Variants in BICC1 observed in about 807,000 individuals in gnomAD.
BICC1 encodes BicC family RNA binding protein 1, also known as protein bicaudal C homolog 1.
BICC1 carries 43 observed loss-of-function variants against 111.0 expected under a neutral mutation model. The ratio of observed to expected loss-of-function variants is 0.39; its 90% CI spans 0.30 to 0.50. BICC1 has a LOEUF of 0.50. BICC1 is among the 20% of genes least tolerant of loss of function. The pLI, the probability that BICC1 is intolerant of heterozygous loss-of-function variation, is 0.88. For missense variants in BICC1, 1,091 were observed against 1,203.2 expected (o/e 0.91, Z 1.38); for synonymous variants, 467 against 434.4 (o/e 1.07, Z -0.93).
At chr10:58,556,796 G>C (rs1044637003) in intron 1 of BICC1, among the ~76,000 whole-genome samples, 1 of 151,882 alleles carries the variant, frequency 6.6e-6, no homozygotes, top group African/African-American at 2.4e-5. Flanking sequence ...TTGTCCTTTT[G>C]TCTGTTTCTT....
chr10:58,546,798 G>T (rs992376406), intron 1 of BICC1, among the ~76,000 whole-genome samples: 2 of 152,046 alleles, frequency 1.3e-5, no homozygotes, highest in Non-Finnish European at 2.9e-5. Flanking sequence ...CAATATTAAA[G>T]TATCAGTTTT....
intron 2 of BICC1, among the ~76,000 whole-genome samples, chr10:58,683,203 T>C (rs1226072349): frequency 6.6e-6 from 1 of 151,872 alleles, no homozygotes; most frequent in Non-Finnish European, 1.5e-5. Flanking sequence ...AGATGTGTGG[T>C]ATTATTTCTG....
Position 58,828,218 on chromosome 10 carries a change from G to A in BICC1, c.2795-543G>A, listed in dbSNP as rs974927717. Among the ~76,000 whole-genome samples, 4 of 152,194 alleles carry A rather than the reference G, an allele frequency of 2.6e-5. No homozygotes were observed. In the East Asian group the frequency reaches 7.7e-4, roughly 29 times the overall value. ...CCTCTGCATTATTCAAGGGTCAGCTGTTCTTCAGGGTGCTCCTCCAATATC... is the reference window on the plus strand; with the variant it reads ...CCTCTGCATTATTCAAGGGTCAGCTATTCTTCAGGGTGCTCCTCCAATATC... On this transcript the variant is annotated intron_variant, in intron 20 of 20. Transcript: ENST00000373886.
At chr10:58,564,023 C>T (rs946166005) in intron 1 of BICC1, among the ~76,000 whole-genome samples, 4 of 152,014 alleles carry the variant, frequency 2.6e-5, no homozygotes, top group Non-Finnish European at 5.9e-5. Context: ...AAATATGTGA[C>T]CAAAGTTGAA....
chr10:58,809,323 TTTTAAG>T (rs1259992454), intron 17 of BICC1, among the ~76,000 whole-genome samples: 1 of 152,080 alleles, frequency 6.6e-6, no homozygotes, highest in African/African-American at 2.4e-5. Context: ...TGTGAGGTTC[TTTTAAG>T]TTTTTTACAT....
In BICC1 at chr10:58,798,437, A is replaced by G. The variant is rs1843427415; in HGVS notation, c.1405A>G (p.Thr469Ala). The G allele has an allele frequency of 1.2e-6, 2 of 1,611,742 alleles. No homozygotes were observed. The highest frequency in any genetic ancestry group is 1.7e-6 in the Non-Finnish European group (2 of 1,179,028). ...CACCACCTTATCTCTGAACACTTCAACAACCCCAAACTCACTCTTGAATGC... is the reference window on the plus strand; with the variant it reads ...CACCACCTTATCTCTGAACACTTCAGCAACCCCAAACTCACTCTTGAATGC... ...GPTTLSLNTS[T>A]TPNSLLNALN... Residue 469 changes from threonine (T) to alanine (A), a missense_variant, in exon 11 of 21, where the codon ACA becomes GCA. Transcript: ENST00000373886.
intron 1 of BICC1, among the ~76,000 whole-genome samples, chr10:58,580,570 G>A (rs1389896226): frequency 6.6e-6 from 1 of 152,024 alleles, no homozygotes; most frequent in Non-Finnish European, 1.5e-5. Context: ...TTTGGATAAG[G>A]GATATTCAAC....
At chr10:58,745,990 C>G (rs1841826377) in intron 3 of BICC1, among the ~76,000 whole-genome samples, 1 of 152,042 alleles carries the variant, frequency 6.6e-6, no homozygotes, top group African/African-American at 2.4e-5. Flanking sequence ...TATATTACCA[C>G]AGGCAGATGA....
intron 2 of BICC1, among the ~76,000 whole-genome samples, chr10:58,640,807 A>G (rs913787279): frequency 1.3e-5 from 2 of 152,216 alleles, no homozygotes; most frequent in Admixed American, 6.5e-5. Context: ...CTACGAAAGA[A>G]ACAACTTGGA....
intron 2 of BICC1, among the ~76,000 whole-genome samples, chr10:58,665,499 G>C (rs571825296): frequency 2.7e-4 from 41 of 152,074 alleles, no homozygotes; most frequent in Non-Finnish European, 1.9e-4. Context: ...ATCTGCCTGG[G>C]AATACAGCCA....
intron 1 of BICC1, among the ~76,000 whole-genome samples, chr10:58,523,284 C>T (rs1375422597): frequency 2.0e-5 from 3 of 152,182 alleles, no homozygotes; most frequent in Non-Finnish European, 4.4e-5. Context: ...CCCTGATGAA[C>T]ATCGATGCAA....
At chr10:58,828,614 A>G (rs1844465950) in intron 20 of BICC1, 147 bp from the exon 21 acceptor site, 2 of 701,612 alleles carry the variant, frequency 2.9e-6, no homozygotes, top group South Asian at 2.0e-5. Flanking sequence ...TGCCTTGACC[A>G]TCAACTAAAA....
chr10:58,593,362 G>A lies in BICC1; in HGVS notation c.191-27493G>A, dbSNP rs2132046667. Among the ~76,000 whole-genome samples the A allele has an allele frequency of 2.0e-5, 3 of 152,296 alleles. No individual in the cohort carries two copies. In the South Asian group the frequency reaches 6.2e-4, roughly 32 times the overall value. On this transcript the variant is annotated intron_variant, in intron 1 of 20. Coordinates refer to ENST00000373886, the MANE Select transcript of BICC1 (RefSeq NM_001080512.3). The stretch of plus-strand genomic sequence containing the variant: ...CCTGACAGTTCTGAAGAGAGCAGTG[G>A]ACCTCCCAGCACAGTGTTCAAGCTC...
At position 58,653,681 on chromosome 10, in the gene BICC1, T is replaced by C. The variant is rs1000767372; in HGVS notation, c.237+32780T>C. Among the ~76,000 whole-genome samples, 3 of 374 alleles carry C rather than the reference T, an allele frequency of 8.0e-3. No homozygotes were observed. In the East Asian group the frequency reaches 0.38, roughly 47 times the overall value. 0.2% of individuals were successfully genotyped at this position (374 alleles called of 152,430 possible). A position where few individuals can be genotyped will look rare whatever the true frequency, so the allele number is the denominator to read the frequency against. ...TCCTTTTACAAGTATTGTTCTTTCT[T>C]TTTTTTTTTATTATTATGCTTTAAG... is the stretch of plus-strand genomic sequence containing the variant. On this transcript the variant is annotated intron_variant, in intron 2 of 20. Coordinates refer to ENST00000373886, the MANE Select transcript of BICC1 (RefSeq NM_001080512.3).
intron 2 of BICC1, among the ~76,000 whole-genome samples, chr10:58,643,795 G>A (rs1402620559): frequency 1.3e-5 from 2 of 152,142 alleles, no homozygotes; most frequent in Non-Finnish European, 2.9e-5. Context: ...AGGTCCATGA[G>A]ATTAAAAATA....
At chr10:58,621,211 T>C (rs1845793720) in intron 2 of BICC1, among the ~76,000 whole-genome samples, 1 of 152,186 alleles carries the variant, frequency 6.6e-6, no homozygotes, top group African/African-American at 2.4e-5. Flanking sequence ...GCATGTGACA[T>C]AGGAAGGGGT....
chr10:58,696,260 C>T (rs1840061594), intron 2 of BICC1, among the ~76,000 whole-genome samples: 1 of 151,268 alleles, frequency 6.6e-6, no homozygotes, highest in Admixed American at 6.6e-5. Flanking sequence ...ATTTAACTTC[C>T]AAAGCTGTTA....
At chr10:58,720,700 C>T (rs1165341980) in intron 3 of BICC1, among the ~76,000 whole-genome samples, 4 of 152,120 alleles carry the variant, frequency 2.6e-5, no homozygotes, top group East Asian at 1.9e-4. Flanking sequence ...CGGTGACAGC[C>T]GGTGACCTTG....
At chr10:58,805,017 G>T (rs1282651549) in intron 15 of BICC1, among the ~76,000 whole-genome samples, 1 of 152,244 alleles carries the variant, frequency 6.6e-6, no homozygotes, top group Non-Finnish European at 1.5e-5. Context: ...AGTCAGCCAG[G>T]CATGGTGGCT....
Sources: allele counts gnomAD v4.1 joint callset (sites outside exome capture counted in the v4.1 genomes callset), GRCh38; gene constraint gnomAD v4.1.1; transcripts MANE v1.5; gene names NCBI Gene and HGNC (gene_info 2026-07-23, HGNC 2026-07-21).